Variants in RYR3 observed in about 807,000 individuals in gnomAD.
RYR3 encodes the protein ryanodine receptor 3.
Under a neutral mutation model 584.3 loss-of-function variants are expected in RYR3, and 207 were observed. That is an observed-to-expected ratio of 0.35 (90% confidence interval 0.32 to 0.40). The LOEUF is 0.40. Among genes scored for constraint, RYR3 ranks in the 10% least tolerant of loss-of-function variants. RYR3 has a pLI of 1.00. For synonymous variants in RYR3, 2,416 were observed against 2,248.5 expected (o/e 1.07, Z -2.11); for missense variants, 5,616 against 6,089.2 (o/e 0.92, Z 2.59).
intron 1 of RYR3, among the ~76,000 whole-genome samples, chr15:33,320,478 G>A (rs893122089): frequency 2.6e-5 from 4 of 152,208 alleles, no homozygotes; most frequent in Admixed American, 2.0e-4. Flanking sequence ...AGATGAAAAA[G>A]ACATCTTAAT....
At chr15:33,342,480 A>G (rs189401236) in intron 1 of RYR3, among the ~76,000 whole-genome samples, 8 of 152,296 alleles carry the variant, frequency 5.3e-5, no homozygotes. Flanking sequence ...TGATGCATTT[A>G]TATCTATTGA....
intron 1 of RYR3, among the ~76,000 whole-genome samples, chr15:33,352,232 C>G (rs1378437542): frequency 6.6e-6 from 1 of 152,078 alleles, no homozygotes; most frequent in African/African-American, 2.4e-5. Flanking sequence ...GCCTTAGTTA[C>G]AGTTCCTTTA....
chr15:33,438,379 A>G (rs972439703), intron 1 of RYR3, among the ~76,000 whole-genome samples: 2 of 152,050 alleles, frequency 1.3e-5, no homozygotes, highest in Non-Finnish European at 2.9e-5. Flanking sequence ...CTCCTTTTTA[A>G]AAAAATTCCA....
intron 85 of RYR3, among the ~76,000 whole-genome samples, chr15:33,829,272 C>G (rs2077538567): frequency 6.6e-6 from 1 of 152,070 alleles, no homozygotes; most frequent in South Asian, 2.1e-4. Flanking sequence ...TTTTTCATGC[C>G]TGCTAATACA....
intron 32 of RYR3, among the ~76,000 whole-genome samples, chr15:33,655,213 T>C (rs1272842007): frequency 1.3e-5 from 2 of 152,194 alleles, no homozygotes; most frequent in African/African-American, 4.8e-5. Context: ...AGTAAAGTAT[T>C]ATTCTTCTAG....
intron 1 of RYR3, among the ~76,000 whole-genome samples, chr15:33,354,691 T>G (rs1281549982): frequency 6.6e-6 from 1 of 152,190 alleles, no homozygotes; most frequent in Non-Finnish European, 1.5e-5. Flanking sequence ...CATATACTCT[T>G]TATAAAATAA....
intron 87 of RYR3, 59 bp from the exon 88 acceptor site, chr15:33,836,847 T>A (rs2078086382): frequency 6.5e-6 from 9 of 1,385,034 alleles, no homozygotes; most frequent in African/African-American, 1.4e-5. Context: ...TCTCGCTCAC[T>A]GCCCTGTACT....
At position 33,771,959 on chromosome 15, in the gene RYR3, G is replaced by T. The variant is rs770042477; in HGVS notation, c.8856G>T (p.Gly2952=). 1 of 1,613,316 alleles carries T rather than the reference G, an allele frequency of 6.2e-7. No individual in the cohort carries two copies. The highest frequency in any genetic ancestry group is 1.7e-5 in the Admixed American group (1 of 59,960). Residue 2952 remains glycine (G), a synonymous_variant, in exon 63 of 104, where the codon GGG becomes GGT. Transcript: ENST00000634891. ...MKSGSELVKA[G]LRAFFENAAE... is the part of the protein sequence containing the mutation. Reference sequence around the variant, plus strand: ...CAGGCTCAGAGCTGGTGAAGGCTGGGTTACGAGCATTCTTTGAAAATGCTG... The same window carrying T: ...CAGGCTCAGAGCTGGTGAAGGCTGGTTTACGAGCATTCTTTGAAAATGCTG...
intron 38 of RYR3, among the ~76,000 whole-genome samples, chr15:33,688,996 CTAGAT>C (rs2065215167): frequency 6.6e-6 from 1 of 151,988 alleles, no homozygotes; most frequent in African/African-American, 2.4e-5. Context: ...CAATGATAGA[CTAGAT>C]TAAGAAAATG....
In RYR3 at chr15:33,813,358, T is replaced by C; in HGVS notation, c.10390-109T>C. ...CCTGGGTGCATTTTGCTAACTACAG[T>C]TGAGAAGCCAAAATTCTTCCAGAAT... On this transcript the variant is annotated intron_variant, in intron 73 of 103. Transcript: ENST00000634891. 3 of 958,496 alleles carry C rather than the reference T, an allele frequency of 3.1e-6. No homozygotes were observed. The East Asian group carries it at 7.2e-5, about 23-fold the overall frequency. 59.4% of individuals were successfully genotyped at this position (958,496 alleles called of 1,614,324 possible). A position where few individuals can be genotyped will look rare whatever the true frequency, so the allele number is the denominator to read the frequency against.
intron 92 of RYR3, among the ~76,000 whole-genome samples, chr15:33,844,503 C>T (rs2078586119): frequency 1.3e-5 from 2 of 152,176 alleles, no homozygotes; most frequent in Non-Finnish European, 2.9e-5. Flanking sequence ...GGAGCGGGCA[C>T]ACACATCCTT....
intron 12 of RYR3, among the ~76,000 whole-genome samples, chr15:33,569,536 A>G (rs539745743): frequency 1.3e-5 from 2 of 152,296 alleles, no homozygotes; most frequent in Admixed American, 1.3e-4. Flanking sequence ...TTAGCAAAAT[A>G]TCTTCAAGGT....
intron 12 of RYR3, among the ~76,000 whole-genome samples, chr15:33,573,306 A>T (rs1382628569): frequency 6.6e-6 from 1 of 152,224 alleles, no homozygotes; most frequent in African/African-American, 2.4e-5. Flanking sequence ...ATTTTGAAGT[A>T]GATTCTTCTT....
intron 3 of RYR3, among the ~76,000 whole-genome samples, chr15:33,529,076 G>A (rs1264063518): frequency 1.3e-5 from 2 of 152,144 alleles, no homozygotes; most frequent in African/African-American, 2.4e-5. Flanking sequence ...AAATTATTTG[G>A]TATGTCTAAT....
At chr15:33,538,602 G>A (rs1313998567) in intron 5 of RYR3, among the ~76,000 whole-genome samples, 4 of 152,182 alleles carry the variant, frequency 2.6e-5, no homozygotes, top group Admixed American at 2.0e-4. Context: ...GGCTGTTCAG[G>A]GCAGGGAAAG....
chr15:33,572,688 C>CACACACACATACAT (rs368204203), intron 12 of RYR3, among the ~76,000 whole-genome samples: 1 of 131,398 alleles, frequency 7.6e-6, no homozygotes, highest in African/African-American at 2.8e-5. Flanking sequence ...CACACACACA[C>CACACACACATACAT]ACTGGGCTGG....
rs146092713 is a variant in RYR3, at chr15:33,741,343, G to A, written c.7821-1023G>A. ...ACAGGGAGGAAATCGACAATCTTCA[G>A]GTGTCCCCATTGGGTAAATCACCTT... is the stretch of plus-strand genomic sequence containing the variant. On this transcript the variant is annotated intron_variant, in intron 51 of 103. Transcript: ENST00000634891. Among the ~76,000 whole-genome samples the A allele has an allele frequency of 1.6e-4, 24 of 152,268 alleles. No homozygotes were observed. In the East Asian group the frequency reaches 4.3e-3, roughly 27 times the overall value.
chr15:33,842,213 G>A (rs1338594081), intron 91 of RYR3, among the ~76,000 whole-genome samples, 178 bp downstream of exon 91: 1 of 152,222 alleles, frequency 6.6e-6, no homozygotes, highest in African/African-American at 2.4e-5. Context: ...GAAAAGAAAA[G>A]GGGGAGAGCC....
chr15:33,368,900 T>TGCTTCAATCCACC (rs1260320965), intron 1 of RYR3, among the ~76,000 whole-genome samples: 2 of 152,190 alleles, frequency 1.3e-5, no homozygotes, highest in Admixed American at 6.5e-5. Flanking sequence ...AAACTTTACC[T>TGCTTCAATCCACC]GCTTCAATCC....
Sources: gnomAD v4.1 joint callset for allele counts (sites outside exome capture counted in the v4.1 genomes callset) on GRCh38, gnomAD v4.1.1 for gene constraint, MANE v1.5 for transcripts, NCBI Gene and HGNC (gene_info 2026-07-23, HGNC 2026-07-21) for gene names.